The following RNLS variants were observed in gnomAD, a reference collection of about 807,000 sequenced individuals.
RNLS encodes the protein renalase.
In RNLS, 39 loss-of-function variants were observed where a neutral mutation model predicts 39.8. The ratio of observed to expected loss-of-function variants is 0.98; its 90% CI spans 0.76 to 1.28. The LOEUF (loss-of-function observed/expected upper bound fraction) is 1.28. Among genes scored for constraint, RNLS ranks in the 50% most tolerant of loss-of-function variants. The pLI is 0.00. For missense variants in RNLS, 410 were observed against 413.3 expected (o/e 0.99, Z 0.07); for synonymous variants, 147 against 150.7 (o/e 0.98, Z 0.18).
intron 5 of RNLS, among the ~76,000 whole-genome samples, chr10:88,315,045 T>G (rs1287598007): frequency 6.6e-6 from 1 of 152,208 alleles, no homozygotes; most frequent in Non-Finnish European, 1.5e-5. Flanking sequence ...AAGTATATAT[T>G]CAATAAATAC....
At chr10:88,254,127 T>C in the RNLS span, among the ~76,000 whole-genome samples, 2 of 152,190 alleles carry the variant, frequency 1.3e-5, no homozygotes, top group African/African-American at 4.8e-5. Flanking sequence ...CCATTCTCAC[T>C]CTCATAGTAG....
the RNLS span, among the ~76,000 whole-genome samples, chr10:88,172,839 G>GT: frequency 3.2e-5 from 1 of 31,508 alleles, no homozygotes; most frequent in Non-Finnish European, 6.6e-5. Flanking sequence ...TGCATTTTGA[G>GT]TTGTTTTTTT....
chr10:88,433,630 A>G (rs1465935312), intron 4 of RNLS, among the ~76,000 whole-genome samples: 2 of 152,110 alleles, frequency 1.3e-5, no homozygotes, highest in Admixed American at 1.3e-4. Flanking sequence ...TCATTAGTAC[A>G]ACAACAGAAG....
chr10:88,492,993 TC>T (rs1255964557), intron 4 of RNLS, among the ~76,000 whole-genome samples: 10 of 152,150 alleles, frequency 6.6e-5, no homozygotes, highest in Non-Finnish European at 1.0e-4. Context: ...TTTAAGTATA[TC>T]TATAACTCAA....
chr10:88,557,876 T>C (rs542070586), intron 4 of RNLS, among the ~76,000 whole-genome samples: 1 of 152,322 alleles, frequency 6.6e-6, no homozygotes, highest in East Asian at 1.9e-4. Context: ...CCATAAATTA[T>C]AGCTCTCTGC....
intron 4 of RNLS, among the ~76,000 whole-genome samples, chr10:88,400,490 A>G (rs189349628): frequency 3.5e-4 from 53 of 151,622 alleles, no homozygotes; most frequent in African/African-American, 1.2e-3. Flanking sequence ...CTTATTAATC[A>G]CCTCTCTGTG....
At chr10:88,319,338 A>C (rs887675613) in intron 5 of RNLS, among the ~76,000 whole-genome samples, 8 of 152,240 alleles carry the variant, frequency 5.3e-5, no homozygotes, top group African/African-American at 1.9e-4. Flanking sequence ...TATGAGAAGG[A>C]ATCAGTGCAA....
intron 4 of RNLS, among the ~76,000 whole-genome samples, chr10:88,377,362 T>TATG (rs1255641144): frequency 1.3e-5 from 2 of 152,180 alleles, no homozygotes; most frequent in Non-Finnish European, 2.9e-5. Flanking sequence ...CAATTAAATT[T>TATG]ATGTTCAGAA....
intron 4 of RNLS, among the ~76,000 whole-genome samples, chr10:88,432,056 C>T (rs900181094): frequency 1.3e-5 from 2 of 151,660 alleles, no homozygotes; most frequent in African/African-American, 4.8e-5. Context: ...GCTTTGATAA[C>T]TCTAGCAATT....
At chr10:88,404,242 G>A (rs1229623883) in intron 4 of RNLS, among the ~76,000 whole-genome samples, 1 of 152,156 alleles carries the variant, frequency 6.6e-6, no homozygotes, top group Middle Eastern at 3.4e-3. Flanking sequence ...AGGCTTCAGT[G>A]TATTGTAGAA....
chr10:88,537,490 A>T (rs1337158901), intron 4 of RNLS, among the ~76,000 whole-genome samples: 6 of 152,248 alleles, frequency 3.9e-5, no homozygotes, highest in African/African-American at 9.6e-5. Context: ...AACATATGCT[A>T]GGTTCATACC....
the RNLS span, among the ~76,000 whole-genome samples, chr10:88,216,161 C>T: frequency 1.2e-4 from 18 of 152,262 alleles, no homozygotes; most frequent in African/African-American, 4.3e-4. Context: ...CAATCCATTC[C>T]TGGGTTTTAG....
At chr10:88,213,052 T>A in the RNLS span, among the ~76,000 whole-genome samples, 1 of 152,172 alleles carries the variant, frequency 6.6e-6, no homozygotes, top group Admixed American at 6.5e-5. Context: ...CAGCCCACCA[T>A]CGCCCTGCAT....
chr10:88,455,825 CCACAAAACAA>C (rs1439763751), intron 4 of RNLS, among the ~76,000 whole-genome samples: 17 of 152,180 alleles, frequency 1.1e-4, no homozygotes, highest in African/African-American at 3.6e-4. Context: ...TGGTTATTTC[CCACAAAACAA>C]AACAAAACAA....
chr10:88,181,536 G>A, the RNLS span, among the ~76,000 whole-genome samples: 3 of 152,104 alleles, frequency 2.0e-5, no homozygotes, highest in Non-Finnish European at 4.4e-5. Flanking sequence ...TTGTATACCT[G>A]GGTCATTTTC....
At chr10:88,267,971 T>G in the RNLS span, among the ~76,000 whole-genome samples, 1 of 152,132 alleles carries the variant, frequency 6.6e-6, no homozygotes, top group East Asian at 1.9e-4. Context: ...GGGAGAAACG[T>G]TGGTGTAAGA....
intron 5 of RNLS, among the ~76,000 whole-genome samples, chr10:88,325,540 T>C (rs939291287): frequency 2.0e-5 from 3 of 152,156 alleles, no homozygotes; most frequent in Non-Finnish European, 2.9e-5. Flanking sequence ...TTGCCGACTC[T>C]CCAAACAGAA....
intron 4 of RNLS, among the ~76,000 whole-genome samples, chr10:88,528,185 G>GA (rs1847220107): frequency 6.6e-6 from 1 of 151,496 alleles, no homozygotes; most frequent in South Asian, 2.1e-4. Flanking sequence ...CTTCCAGGAA[G>GA]AAAAAAAAGA....
rs893519002 is a variant in RNLS, at chr10:88,306,729, C to T, written c.876+7737G>A. Among the ~76,000 whole-genome samples, 15 of 152,202 alleles carry T rather than the reference C, an allele frequency of 9.9e-5. No individual in the cohort carries two copies. The South Asian group carries it at 3.1e-3, about 32-fold the overall frequency. ...AAAATCTCAGGACCAAACAGATTCA[C>T]CATTGAATTCTATCAGATGTACAAA... On this transcript the variant is annotated intron_variant, in intron 6 of 6. Coordinates refer to ENST00000331772, the MANE Select transcript of RNLS (RefSeq NM_001031709.3).
Sources: gnomAD v4.1 joint callset for allele counts (sites outside exome capture counted in the v4.1 genomes callset) on GRCh38, gnomAD v4.1.1 for gene constraint, MANE v1.5 for transcripts, NCBI Gene and HGNC (gene_info 2026-07-23, HGNC 2026-07-21) for gene names.